The following ADGRB3 variants were observed in gnomAD, a reference collection of about 807,000 sequenced individuals.
ADGRB3 encodes adhesion G protein-coupled receptor B3, also known as brain-specific angiogenesis inhibitor 3.
In ADGRB3, 37 loss-of-function variants were observed where a neutral mutation model predicts 193.4. The observed-to-expected ratio is 0.19, with a 90% CI of 0.15 to 0.25. The LOEUF (loss-of-function observed/expected upper bound fraction) is 0.25. Ranked by LOEUF, ADGRB3 falls within the 10% of genes least tolerant of loss-of-function variation. The probability of loss-of-function intolerance (pLI) is 1.00; values close to 1 mark genes in which losing one functional copy is unlikely to be tolerated. For synonymous variants in ADGRB3, 690 were observed against 644.2 expected (o/e 1.07, Z -1.08); for missense variants, 1,637 against 1,852.9 (o/e 0.88, Z 2.14).
At chr6:69,301,772 A>G (rs565226626) in intron 20 of ADGRB3, among the ~76,000 whole-genome samples, 5 of 152,012 alleles carry the variant, frequency 3.3e-5, no homozygotes, top group African/African-American at 1.2e-4. Context: ...TACTGTGACA[A>G]TAGGCACCAA....
At chr6:69,278,176 A>G (rs532998926) in intron 20 of ADGRB3, among the ~76,000 whole-genome samples, 31 of 152,304 alleles carry the variant, frequency 2.0e-4, no homozygotes, top group Admixed American at 7.2e-4. Context: ...GCACACAGAG[A>G]TACACTTAGT....
At chr6:68,657,947 T>C (rs1365694637) in intron 3 of ADGRB3, among the ~76,000 whole-genome samples, 1 of 151,390 alleles carries the variant, frequency 6.6e-6, no homozygotes, top group Admixed American at 6.6e-5. Context: ...AGTAATCCGT[T>C]AATGGAAATT....
At chr6:69,162,360 T>C (rs1486884217) in intron 17 of ADGRB3, among the ~76,000 whole-genome samples, 5 of 152,136 alleles carry the variant, frequency 3.3e-5, no homozygotes, top group Non-Finnish European at 7.4e-5. Flanking sequence ...ACTTAAGTTA[T>C]ATGAAAAAGA....
intron 3 of ADGRB3, among the ~76,000 whole-genome samples, chr6:68,808,732 A>T (rs1455781201): frequency 7.2e-6 from 1 of 139,654 alleles, no homozygotes; most frequent in African/African-American, 2.5e-5. Context: ...AGGAGGAGAG[A>T]AAAAAGGAGG....
intron 3 of ADGRB3, among the ~76,000 whole-genome samples, chr6:68,721,709 G>T (rs947292091): frequency 2.0e-5 from 3 of 147,388 alleles, no homozygotes; most frequent in Admixed American, 6.8e-5. Flanking sequence ...ATAATAAAGC[G>T]CTCTGGTCTC....
At chr6:68,876,193 A>T (rs1477145345) in intron 3 of ADGRB3, among the ~76,000 whole-genome samples, 3 of 152,174 alleles carry the variant, frequency 2.0e-5, no homozygotes, top group African/African-American at 7.2e-5. Flanking sequence ...ATACACATAT[A>T]CAAGATGACT....
At chr6:69,105,613 T>C (rs1773184178) in intron 17 of ADGRB3, among the ~76,000 whole-genome samples, 1 of 152,182 alleles carries the variant, frequency 6.6e-6, no homozygotes, top group South Asian at 2.1e-4. Flanking sequence ...AGGGCTAGTA[T>C]TGCTTCTCAA....
At chr6:69,347,962 G>A (rs1189026769) in intron 26 of ADGRB3, among the ~76,000 whole-genome samples, 3 of 152,084 alleles carry the variant, frequency 2.0e-5, no homozygotes, top group Non-Finnish European at 4.4e-5. Flanking sequence ...ACCTTTCCAA[G>A]AATTCACCAA....
chr6:68,679,820 T>C (rs1034654153), intron 3 of ADGRB3, among the ~76,000 whole-genome samples: 1 of 152,268 alleles, frequency 6.6e-6, no homozygotes, highest in South Asian at 2.1e-4. Context: ...ATTTTTCCTA[T>C]AGAGAAATAA....
chr6:69,014,791 G>A (rs1439022491), intron 12 of ADGRB3, among the ~76,000 whole-genome samples: 2 of 151,930 alleles, frequency 1.3e-5, no homozygotes, highest in African/African-American at 4.8e-5. Context: ...TTAACTGGAT[G>A]TCAAACTTCT....
chr6:68,990,085 A>T (rs1324941900), intron 10 of ADGRB3, among the ~76,000 whole-genome samples: 1 of 152,140 alleles, frequency 6.6e-6, no homozygotes, highest in East Asian at 1.9e-4. Flanking sequence ...GAAACAAGGA[A>T]GAGGTAAGAT....
Position 69,062,999 on chromosome 6 carries a change from A to AT in ADGRB3, c.2401dup (p.Ser801PhefsTer12). ...ATAAGGCCTGAACCCAAAACAACCG[A>AT]TTCGTTTCTGGAGATAGAACTAGCT... is the stretch of plus-strand genomic sequence containing the variant. On this transcript the variant is annotated frameshift_variant, in exon 16 of 32. Coordinates refer to ENST00000370598, the MANE Select transcript of ADGRB3 (RefSeq NM_001704.3). LOFTEE classifies it high-confidence loss of function. The AT allele has an allele frequency of 6.2e-7, 1 of 1,612,342 alleles. No homozygotes were observed.
At chr6:68,741,885 T>C (rs1470628109) in intron 3 of ADGRB3, among the ~76,000 whole-genome samples, 2 of 152,222 alleles carry the variant, frequency 1.3e-5, no homozygotes, top group Admixed American at 6.5e-5. Flanking sequence ...TATAACGTTT[T>C]AGCTAAATAT....
intron 5 of ADGRB3, among the ~76,000 whole-genome samples, chr6:68,943,102 A>G (rs7748808): frequency 0.14 from 21,757 of 152,100 alleles, 1,666 homozygotes; most frequent in African/African-American, 0.19. Flanking sequence ...AAATTAGTTA[A>G]ATTTCCAGTT....
At chr6:69,360,493 T>A (rs1769427977) in intron 28 of ADGRB3, among the ~76,000 whole-genome samples, 1 of 151,896 alleles carries the variant, frequency 6.6e-6, no homozygotes, top group Non-Finnish European at 1.5e-5. Context: ...TATGAATATG[T>A]TCATAATTTT....
rs191737619 is a variant in ADGRB3 at position 69,020,700 on chromosome 6, T to C, written c.2107+2201T>C. On this transcript the variant is annotated intron_variant, in intron 13 of 31. Coordinates refer to ENST00000370598, the MANE Select transcript of ADGRB3 (RefSeq NM_001704.3). The stretch of plus-strand genomic sequence containing the variant: ...CATATTAAAAGTTATGTTCTGTGAG[T>C]AAAAATTCTAAACATTATTTATACT... 1.2e-3 allele frequency among the ~76,000 whole-genome samples: 181 copies of C among 152,026 alleles called. 1 individual carries two copies. The highest frequency in any genetic ancestry group is 4.3e-3 in the African/African-American group (178 of 41,532).
chr6:68,887,058 AAT>A (rs201706226), intron 3 of ADGRB3, among the ~76,000 whole-genome samples: 3 of 150,964 alleles, frequency 2.0e-5, no homozygotes, highest in African/African-American at 2.4e-5. Flanking sequence ...CTCTGTTGTA[AAT>A]ATATATATAT....
chr6:69,316,722 G>A (rs559124632), intron 20 of ADGRB3, among the ~76,000 whole-genome samples: 23 of 151,650 alleles, frequency 1.5e-4, no homozygotes, highest in African/African-American at 5.3e-4. Flanking sequence ...GCTTAGGGGA[G>A]ATGCTAGACG....
At chr6:69,054,050 A>C (rs1360644219) in intron 15 of ADGRB3, among the ~76,000 whole-genome samples, 1 of 152,174 alleles carries the variant, frequency 6.6e-6, no homozygotes, top group Non-Finnish European at 1.5e-5. Flanking sequence ...GTCCCTTAAA[A>C]AATGCATCTT....
Sources: allele counts gnomAD v4.1 joint callset (sites outside exome capture counted in the v4.1 genomes callset), GRCh38; gene constraint gnomAD v4.1.1; transcripts MANE v1.5; gene names NCBI Gene and HGNC (gene_info 2026-07-23, HGNC 2026-07-21).